CDC42BPB: variants seen among roughly 807,000 people sequenced by gnomAD.
CDC42BPB encodes serine/threonine-protein kinase MRCK beta.
Under a neutral mutation model 214.9 loss-of-function variants are expected in CDC42BPB, and 37 were observed. The ratio of observed to expected loss-of-function variants is 0.17; its 90% CI spans 0.13 to 0.23. The LOEUF (loss-of-function observed/expected upper bound fraction) is 0.23. Among genes scored for constraint, CDC42BPB ranks in the 10% least tolerant of loss-of-function variants. The pLI, the probability that CDC42BPB is intolerant of heterozygous loss-of-function variation, is 1.00. For synonymous variants in CDC42BPB, 931 were observed against 884.0 expected, an observed-to-expected ratio of 1.05 and a Z score of -0.94; for missense variants, 1,694 against 2,227.0, an observed-to-expected ratio of 0.76 and a Z score of 4.82.
intron 5 of CDC42BPB, among the ~76,000 whole-genome samples, chr14:102,997,770 A>T (rs1894807566): frequency 6.6e-6 from 1 of 152,262 alleles, no homozygotes; most frequent in Admixed American, 6.5e-5. Flanking sequence ...GGCTGCTGTC[A>T]TAGTTACGCA....
At chr14:102,941,087 G>T in intron 30 of CDC42BPB, 1 of 975,652 alleles carries the variant, frequency 1.0e-6, no homozygotes, top group Non-Finnish European at 1.2e-6. Context: ...ACACAGCTGT[G>T]CCACACGACA....
chr14:103,041,868 G>T, intron 1 of CDC42BPB: 1 of 413,908 alleles, frequency 2.4e-6, no homozygotes, highest in Non-Finnish European at 4.7e-6. Flanking sequence ...CGGCCACCAG[G>T]AAGGGAGACA....
intron 22 of CDC42BPB, 23 bp from the exon 23 acceptor site, chr14:102,954,298 G>C (rs1264441378): frequency 2.0e-6 from 3 of 1,501,056 alleles, no homozygotes; most frequent in African/African-American, 2.8e-5. Flanking sequence ...CAGGACAGGT[G>C]AGTGTCGGCC....
At chr14:102,947,855 G>C (rs1892253777) in intron 26 of CDC42BPB, 53 bp from the exon 27 acceptor site, 3 of 1,609,270 alleles carry the variant, frequency 1.9e-6, no homozygotes, top group African/African-American at 1.3e-5. Context: ...CAGGACCCAA[G>C]GCCCTCCCAC....
intron 8 of CDC42BPB, chr14:102,978,427 A>C: frequency 2.8e-6 from 2 of 705,744 alleles, no homozygotes; most frequent in South Asian, 1.3e-4. Context: ...CTCACAGGAG[A>C]CACACTCTGA....
intron 1 of CDC42BPB, among the ~76,000 whole-genome samples, chr14:103,040,587 T>C (rs1342852318): frequency 1.3e-5 from 2 of 151,776 alleles, no homozygotes; most frequent in Non-Finnish European, 2.9e-5. Flanking sequence ...GCCTCCCGAG[T>C]AGGTGGGATT....
chr14:102,986,441 T>A lies in CDC42BPB; in HGVS notation c.690+46A>T, dbSNP rs747025663. On this transcript the variant is annotated intron_variant, in intron 6 of 36. Transcript: ENST00000361246. The stretch of plus-strand genomic sequence containing the variant: ...ATTGAAAACTTCCCTTCTGACTATA[T>A]GCCAAACCCAAAACCAAATGGAAAA... 5.6e-6 allele frequency: 8 copies of A among 1,433,830 alleles called. No homozygotes were observed. In the South Asian group the frequency reaches 7.0e-5, roughly 13 times the overall value. The allele number at this position is 1,433,830 out of a possible 1,614,324, so 88.8% of individuals were successfully genotyped here. A position where few individuals can be genotyped will look rare whatever the true frequency, so the allele number is the denominator to read the frequency against.
At chr14:103,009,529 C>T (rs184346665) in intron 2 of CDC42BPB, among the ~76,000 whole-genome samples, 1 of 152,304 alleles carries the variant, frequency 6.6e-6, no homozygotes, top group East Asian at 1.9e-4. Context: ...GCTCAAAAAG[C>T]GATCAATGTT....
chr14:102,940,987 C>T (rs993330118), intron 30 of CDC42BPB: 10 of 463,824 alleles, frequency 2.2e-5, no homozygotes, highest in African/African-American at 2.1e-4. Flanking sequence ...AGCAACTCCA[C>T]CCAAGGTGCC....
intron 1 of CDC42BPB, among the ~76,000 whole-genome samples, chr14:103,037,857 G>A (rs1374844030): frequency 3.3e-5 from 5 of 150,802 alleles, no homozygotes; most frequent in Non-Finnish European, 7.4e-5. Flanking sequence ...AGTGAAACGC[G>A]TCTCTACTAA....
At chr14:102,951,418 T>C (rs1234117651) in intron 24 of CDC42BPB, among the ~76,000 whole-genome samples, 1 of 152,212 alleles carries the variant, frequency 6.6e-6, no homozygotes, top group Non-Finnish European at 1.5e-5. Context: ...GTTGCTCATC[T>C]GTGAAATGGG....
intron 1 of CDC42BPB, among the ~76,000 whole-genome samples, chr14:103,053,652 C>T (rs1324900799): frequency 1.3e-5 from 2 of 150,332 alleles, no homozygotes; most frequent in Non-Finnish European, 3.0e-5. Flanking sequence ...GTCCCAGCTA[C>T]TCAGGAGGCT....
chr14:102,975,657 TA>T (rs769119410), intron 11 of CDC42BPB, 26 bp downstream of exon 11: 2 of 1,610,540 alleles, frequency 1.2e-6, no homozygotes, highest in Non-Finnish European at 1.7e-6. Flanking sequence ...AAATAGAGAC[TA>T]AGAAGTCACA....
chr14:102,992,155 A>G (rs1894523140), intron 5 of CDC42BPB, among the ~76,000 whole-genome samples: 1 of 152,164 alleles, frequency 6.6e-6, no homozygotes, highest in African/African-American at 2.4e-5. Flanking sequence ...GGGGAGCCCC[A>G]AGGGGGCTTA....
chr14:103,012,413 T>G (rs1218199671), intron 1 of CDC42BPB: 3 of 279,976 alleles, frequency 1.1e-5, no homozygotes, highest in Non-Finnish European at 1.6e-5. Flanking sequence ...AGCCACGCAC[T>G]GGGTAACACT....
chr14:103,024,216 T>C (rs1215659493), intron 1 of CDC42BPB, among the ~76,000 whole-genome samples: 3 of 152,184 alleles, frequency 2.0e-5, no homozygotes, highest in African/African-American at 7.2e-5. Flanking sequence ...CTCGGACTTG[T>C]CTCTGTTTAA....
rs532007177 is a variant in CDC42BPB at position 103,057,302 on chromosome 14, C to T, written c.-129G>A. 3.8e-6 allele frequency: 4 copies of T among 1,066,466 alleles called. No individual in the cohort carries two copies. The highest frequency in any genetic ancestry group is 5.4e-5 in the Admixed American group (1 of 18,512). 66.1% of individuals were successfully genotyped at this position (1,066,466 alleles called of 1,614,324 possible). On this transcript the variant is annotated 5_prime_UTR_variant, in exon 1 of 37. Coordinates refer to ENST00000361246, the MANE Select transcript of CDC42BPB (RefSeq NM_006035.4). ...AGCGGCGCCTCCTCGCCGCCCCGTC[C>T]GCGTCGTCGCGCCCCGGCCTAGGCC...
intron 30 of CDC42BPB, chr14:102,940,550 A>C: frequency 7.9e-7 from 1 of 1,266,830 alleles, no homozygotes; most frequent in South Asian, 1.6e-5. Context: ...TCACTTCCGT[A>C]ACTAATATTT....
At chr14:102,950,051 G>C in intron 25 of CDC42BPB, 147 bp from the exon 26 acceptor site, 2 of 1,475,196 alleles carry the variant, frequency 1.4e-6, no homozygotes, top group South Asian at 2.7e-5. Flanking sequence ...AAGGCTCAAG[G>C]CGTTGCTGGG....
Sources: gnomAD v4.1 joint callset for allele counts (sites outside exome capture counted in the v4.1 genomes callset) on GRCh38, gnomAD v4.1.1 for gene constraint, MANE v1.5 for transcripts, NCBI Gene and HGNC (gene_info 2026-07-23, HGNC 2026-07-21) for gene names.